Variants in SRMS observed in about 807,000 individuals in gnomAD.
SRMS encodes src-related kinase lacking C-terminal regulatory tyrosine and N-terminal myristylation sites.
In SRMS, 42 loss-of-function variants were observed where a neutral mutation model predicts 43.5. The ratio of observed to expected loss-of-function variants is 0.97; its 90% CI spans 0.75 to 1.25. SRMS has a LOEUF of 1.25. SRMS is among the 50% of genes most tolerant of loss of function. The pLI, the probability that SRMS is intolerant of heterozygous loss-of-function variation, is 0.00. For missense variants in SRMS, 703 were observed against 681.0 expected, an observed-to-expected ratio of 1.03 and a Z score of -0.36; for synonymous variants, 316 against 308.2, an observed-to-expected ratio of 1.03 and a Z score of -0.27.
Position 63,540,513 on chromosome 20 carries a change from C to T in SRMS, c.*305G>A, listed in dbSNP as rs542096884. Among the ~76,000 whole-genome samples, 4 of 152,258 alleles carry T rather than the reference C, an allele frequency of 2.6e-5. No homozygotes were observed. The highest frequency in any genetic ancestry group is 6.5e-5 in the Admixed American group (1 of 15,300). On this transcript the variant is annotated 3_prime_UTR_variant, in exon 8 of 8. Transcript: ENST00000217188. ...TGCACGGGGAACGTCAGCCCCAGCC[C>T]TCCGTCTGCACGAGTCACACTGCAC...
At position 63,547,738 on chromosome 20, in the gene SRMS, C is replaced by T. The variant is rs374855771; in HGVS notation, c.-275G>A. Among the ~76,000 whole-genome samples, 265 of 152,308 alleles carry T rather than the reference C, an allele frequency of 1.7e-3. 1 individual carries two copies. The highest frequency in any genetic ancestry group is 6.2e-3 in the African/African-American group (256 of 41,572). ...CACCTCCTGTCCTCGACCTCCTTGG[C>T]GTCTGGAGTGCACCGTCCCCTCCCC... On this transcript the variant is annotated 5_prime_UTR_variant, in exon 1 of 8. Coordinates refer to ENST00000217188, the MANE Select transcript of SRMS (RefSeq NM_080823.4).
At position 63,542,428 on chromosome 20, in the gene SRMS, T is replaced by C; in HGVS notation, c.787+12A>G. ...CGGGGCCCGGCCGTGGCGCAGGATC[T>C]CGGGGCCTCACCTGACTTGATGACC... On this transcript the variant is annotated intron_variant, in intron 4 of 7. Coordinates refer to ENST00000217188, the MANE Select transcript of SRMS (RefSeq NM_080823.4). 1.2e-6 allele frequency: 2 copies of C among 1,608,230 alleles called. No individual in the cohort carries two copies. Among genetic ancestry groups the C allele is most frequent in the East Asian group, 4.5e-5 (2 of 44,744 alleles).
At chr20:63,542,681 C>A in intron 3 of SRMS, 100 bp from the exon 4 acceptor site, 1 of 1,377,394 alleles carries the variant, frequency 7.3e-7, no homozygotes. Flanking sequence ...ACCCCTGTCC[C>A]CAGCACACAC....
chr20:63,540,800 GT>G lies in SRMS; in HGVS notation c.*17del, dbSNP rs1278078108. ...GGCTGGCCTGGCTGGAGCCCAGAGCGTTGGGTCACGTGAGGACTCAGGGGTG... is the reference window on the plus strand; with the variant it reads ...GGCTGGCCTGGCTGGAGCCCAGAGCGTGGGTCACGTGAGGACTCAGGGGTG... On this transcript the variant is annotated 3_prime_UTR_variant, in exon 8 of 8. Coordinates refer to ENST00000217188, the MANE Select transcript of SRMS (RefSeq NM_080823.4). The G allele has an allele frequency of 6.3e-7, 1 of 1,578,768 alleles. No homozygotes were observed. Among genetic ancestry groups the G allele is most frequent in the Non-Finnish European group, 8.6e-7 (1 of 1,162,620 alleles).
intron 2 of SRMS, 122 bp from the exon 3 acceptor site, chr20:63,543,602 G>A (rs756258113): frequency 5.1e-5 from 61 of 1,200,194 alleles, no homozygotes; most frequent in Non-Finnish European, 7.1e-5. Flanking sequence ...TGGGGACCCT[G>A]AGATGGTCAG....
chr20:63,547,216 TC>T lies in SRMS; in HGVS notation c.247del (p.Glu83ArgfsTer121). The T allele has an allele frequency of 3.7e-6, 6 of 1,611,988 alleles. No homozygotes were observed. Among genetic ancestry groups the T allele is most frequent in the Non-Finnish European group, 5.1e-6 (6 of 1,179,586 alleles). On this transcript the variant is annotated frameshift_variant, in exon 1 of 8. Coordinates refer to ENST00000217188, the MANE Select transcript of SRMS (RefSeq NM_080823.4). LOFTEE classifies it high-confidence loss of function. ...RRGDRLCALEEGGGYIFARRL... is the reference protein window; with the variant it reads ...RRGDRLCALEXGGGYIFARRL... ...GCGTGCGAAGATGTAGCCGCCCCCCTCTTCGAGGGCACAGAGCCTGTCCCCG... is the reference window on the plus strand; with the variant it reads ...GCGTGCGAAGATGTAGCCGCCCCCCTTTCGAGGGCACAGAGCCTGTCCCCG...
chr20:63,547,052 C>T, intron 1 of SRMS, 56 bp downstream of exon 1: 1 of 1,434,870 alleles, frequency 7.0e-7, no homozygotes, highest in Non-Finnish European at 9.3e-7. Flanking sequence ...TGCCGTTGTT[C>T]TGGACTCCCC....
chr20:63,541,615 C>G lies in SRMS; in HGVS notation c.952G>C (p.Glu318Gln), dbSNP rs761958111. Reference sequence around the variant, plus strand: ...GGCGGCAGACGCAGGGCCCGGCCCTCGGGGGCTGCAGGAGACAGCGCGGGG... The same window carrying G: ...GGCGGCAGACGCAGGGCCCGGCCCTGGGGGGCTGCAGGAGACAGCGCGGGG... ...GNLQAFLGTP[E>Q]GRALRLPPLL... The change falls in exon 6 of 8, where the codon GAG (glutamate) becomes CAG (glutamine). Residue 318 changes from glutamate (E) to glutamine (Q), a missense_variant. Glu to Gln is a conservative substitution (Grantham distance 29, BLOSUM62 2). Coordinates refer to ENST00000217188, the MANE Select transcript of SRMS (RefSeq NM_080823.4). 2 of 1,544,438 alleles carry G rather than the reference C, an allele frequency of 1.3e-6. No individual in the cohort carries two copies. Among genetic ancestry groups the G allele is most frequent in the African/African-American group, 2.7e-5 (2 of 73,492 alleles).
rs1475128450 is a variant in SRMS at position 63,540,382 on chromosome 20, G to T, written c.*436C>A. 6.6e-6 allele frequency among the ~76,000 whole-genome samples: 1 copy of T among 151,818 alleles called. No homozygotes were observed. The highest frequency in any genetic ancestry group is 1.5e-5 in the Non-Finnish European group (1 of 68,020). ...CTGGGAGGGAGTCCAGGGGACCCAG[G>T]CAGGAGACACACAGGGCTCAGGGTT... On this transcript the variant is annotated 3_prime_UTR_variant, in exon 8 of 8. Transcript: ENST00000217188.
intron 2 of SRMS, among the ~76,000 whole-genome samples, 185 bp downstream of exon 2, chr20:63,544,042 A>G (rs1367515208): frequency 6.6e-6 from 1 of 152,242 alleles, no homozygotes; most frequent in African/African-American, 2.4e-5. Context: ...GAGTGGGTGA[A>G]TGACTGAATG....
rs1425365805 is a variant in SRMS at position 63,543,490 on chromosome 20, G to A, written c.479-10C>T. ...TTGGCCTGGGCCCGGACTAGGAAGG[G>A]TTCAGAGATGGAGACCCCTGCCTTG... On this transcript the variant is annotated splice_polypyrimidine_tract_variant and intron_variant, in intron 2 of 7. Coordinates refer to ENST00000217188, the MANE Select transcript of SRMS (RefSeq NM_080823.4). The A allele has an allele frequency of 4.3e-6, 7 of 1,611,452 alleles. No individual in the cohort carries two copies. The highest frequency in any genetic ancestry group is 1.1e-5 in the South Asian group (1 of 91,038).
intron 3 of SRMS, 68 bp from the exon 4 acceptor site, chr20:63,542,649 C>A: frequency 2.0e-6 from 3 of 1,502,632 alleles, no homozygotes; most frequent in Admixed American, 2.2e-5. Flanking sequence ...GCACAGCCCC[C>A]CACACCAGGC....
At position 63,547,385 on chromosome 20, in the gene SRMS, C is replaced by G. The variant is rs2082739198; in HGVS notation, c.79G>C (p.Asp27His). ...TCCAGGGACCCGGGGGTGCCATGGT[C>G]CGGCTCGCCGCCCGCCGGCCAGATC... ...DKIWPAGGEP[D>H]HGTPGSLDPN... Residue 27 changes from aspartate (D) to histidine (H), a missense_variant, in exon 1 of 8, where the codon GAC (aspartate) becomes CAC (histidine). By Grantham distance (81) the Asp-to-His change is moderately conservative (BLOSUM62 -1). Coordinates refer to ENST00000217188, the MANE Select transcript of SRMS (RefSeq NM_080823.4). The G allele has an allele frequency of 1.9e-6, 3 of 1,562,880 alleles. 1 individual carries two copies. The East Asian group carries it at 7.3e-5, about 38-fold the overall frequency.
intron 1 of SRMS, among the ~76,000 whole-genome samples, chr20:63,544,868 G>T (rs1378889687): frequency 6.6e-6 from 1 of 152,236 alleles, no homozygotes; most frequent in Admixed American, 6.5e-5. Context: ...GGCAGCCTAA[G>T]CCAGGCTGTG....
rs2082713964 is a variant in SRMS, at chr20:63,543,308, G to A, written c.645+6C>T. 1 of 1,611,714 alleles carries A rather than the reference G, an allele frequency of 6.2e-7. No individual in the cohort carries two copies. The highest frequency in any genetic ancestry group is 8.5e-7 in the Non-Finnish European group (1 of 1,179,716). ...GCATGGGGCAGCTTGGCAGGCACAG[G>A]CCCACCTGGGGCATGCAGGGCTGCA... On this transcript the variant is annotated splice_donor_region_variant and intron_variant, in intron 3 of 7. Transcript: ENST00000217188.
intron 1 of SRMS, among the ~76,000 whole-genome samples, chr20:63,546,639 T>C (rs2082732858): frequency 1.4e-5 from 2 of 143,836 alleles, no homozygotes; most frequent in Non-Finnish European, 3.0e-5. Context: ...CATGGGCCCC[T>C]GTCTCAGCCC....
At chr20:63,543,072 G>C in intron 3 of SRMS, among the ~76,000 whole-genome samples, 1 of 152,168 alleles carries the variant, frequency 6.6e-6, no homozygotes. Context: ...CACTGCTACA[G>C]GTCTCCTTTC....
chr20:63,543,623 A>T, intron 2 of SRMS, 143 bp from the exon 3 acceptor site: 1 of 1,035,986 alleles, frequency 9.7e-7, no homozygotes. Context: ...AGCTGTGTGG[A>T]GGAGGGAGTG....
intron 7 of SRMS, 69 bp downstream of exon 7, chr20:63,541,122 C>T (rs2082701304): frequency 9.0e-6 from 14 of 1,552,396 alleles, no homozygotes; most frequent in South Asian, 7.2e-5. Context: ...TTGCCGACAG[C>T]GTCCAGGCCC....
Sources: gnomAD v4.1 joint callset for allele counts (sites outside exome capture counted in the v4.1 genomes callset) on GRCh38, gnomAD v4.1.1 for gene constraint, MANE v1.5 for transcripts, NCBI Gene and HGNC (gene_info 2026-07-23, HGNC 2026-07-21) for gene names.